RIN2: variants seen among roughly 807,000 people sequenced by gnomAD.
The protein encoded by RIN2 is Ras and Rab interactor 2.
In RIN2, 36 loss-of-function variants were observed where a neutral mutation model predicts 78.0. The ratio of observed to expected loss-of-function variants is 0.46; its 90% CI spans 0.35 to 0.61. The LOEUF (loss-of-function observed/expected upper bound fraction) is 0.61, where lower values mean the gene tolerates loss of function less well. Ranked by LOEUF, RIN2 falls within the 20% of genes least tolerant of loss-of-function variation. The pLI is 0.00. For missense variants in RIN2, 1,087 were observed against 1,159.7 expected (o/e 0.94, Z 0.91); for synonymous variants, 466 against 466.8 (o/e 1.00, Z 0.02).
chr20:19,826,557 C>T (rs2036094665), intron 2 of RIN2, among the ~76,000 whole-genome samples: 1 of 152,162 alleles, frequency 6.6e-6, no homozygotes, highest in South Asian at 2.1e-4. Context: ...AATTCACAAT[C>T]CTGTCTGATA....
intron 4 of RIN2, among the ~76,000 whole-genome samples, chr20:19,950,184 G>A (rs192228086): frequency 5.9e-4 from 90 of 152,330 alleles, no homozygotes; most frequent in African/African-American, 2.0e-3. Context: ...GGAATGGGTG[G>A]AGGCTGTGAC....
At chr20:19,855,366 G>A (rs1205618487) in intron 2 of RIN2, among the ~76,000 whole-genome samples, 1 of 152,078 alleles carries the variant, frequency 6.6e-6, no homozygotes, top group African/African-American at 2.4e-5. Context: ...TCTCTGTCAG[G>A]CTTTGGTATC....
intron 2 of RIN2, among the ~76,000 whole-genome samples, chr20:19,877,688 G>A (rs761978338): frequency 6.6e-6 from 1 of 152,108 alleles, no homozygotes. Flanking sequence ...TTATACTTTT[G>A]CAAACCAGGA....
At chr20:19,971,291 C>T (rs2042099048) in intron 8 of RIN2, among the ~76,000 whole-genome samples, 2 of 151,894 alleles carry the variant, frequency 1.3e-5, no homozygotes, top group Admixed American at 6.6e-5. Context: ...CCTCTCTTGT[C>T]GTTCAATTGT....
chr20:19,870,231 T>G (rs911191148), intron 2 of RIN2, among the ~76,000 whole-genome samples: 4 of 152,238 alleles, frequency 2.6e-5, no homozygotes, highest in African/African-American at 9.6e-5. Context: ...AAACCCGAGA[T>G]GCCAATTGTT....
intron 3 of RIN2, among the ~76,000 whole-genome samples, chr20:19,913,633 CTA>C (rs1239828492): frequency 6.6e-6 from 1 of 152,172 alleles, no homozygotes; most frequent in Non-Finnish European, 1.5e-5. Context: ...CTTCCTGTTT[CTA>C]TGAGTTTGAC....
intron 6 of RIN2, among the ~76,000 whole-genome samples, chr20:19,963,416 C>G (rs1040193535): frequency 9.2e-5 from 14 of 152,048 alleles, no homozygotes; most frequent in Admixed American, 8.5e-4. Flanking sequence ...CAGTTCGAGA[C>G]CAGCCTGACA....
chr20:19,787,288 T>A (rs150029115), intron 1 of RIN2, among the ~76,000 whole-genome samples: 1 of 152,000 alleles, frequency 6.6e-6, no homozygotes, highest in Non-Finnish European at 1.5e-5. Flanking sequence ...CTGGGCATGG[T>A]GGCGTGCAGC....
intron 1 of RIN2, among the ~76,000 whole-genome samples, chr20:19,771,324 G>A (rs1322950802): frequency 1.3e-5 from 2 of 152,304 alleles, no homozygotes; most frequent in African/African-American, 2.4e-5. Context: ...ACATCACTTT[G>A]GAGATTCTAA....
chr20:19,761,361 G>A (rs997505103), intron 1 of RIN2, among the ~76,000 whole-genome samples: 2 of 152,214 alleles, frequency 1.3e-5, no homozygotes, highest in East Asian at 3.8e-4. Flanking sequence ...TCACTAATGA[G>A]TTACAGTGAT....
At chr20:19,848,534 C>CAAAAAAAAAAAAAAAAAAA (rs11352724) in intron 2 of RIN2, among the ~76,000 whole-genome samples, 4 of 52,838 alleles carry the variant, frequency 7.6e-5, no homozygotes, top group African/African-American at 2.3e-4. Context: ...GACTCCATCT[C>CAAAAAAAAAAAAAAAAAAA]AAAAAAAAAA....
intron 2 of RIN2, among the ~76,000 whole-genome samples, chr20:19,862,770 A>G (rs1296267770): frequency 2.0e-5 from 3 of 152,204 alleles, no homozygotes; most frequent in Non-Finnish European, 4.4e-5. Context: ...CAAAGTTAGA[A>G]CCAGGGCTGG....
At chr20:19,983,366 G>A (rs2042520154) in intron 9 of RIN2, among the ~76,000 whole-genome samples, 2 of 152,186 alleles carry the variant, frequency 1.3e-5, no homozygotes, top group African/African-American at 4.8e-5. Flanking sequence ...TGACTTCCAA[G>A]CTTCATGGCC....
intron 2 of RIN2, chr20:19,823,632 G>C (rs2035994284): frequency 6.4e-7 from 1 of 1,553,066 alleles, no homozygotes; most frequent in Admixed American, 1.7e-5. Context: ...CATCAAAAGT[G>C]ATATTCCCAC....
rs191995755 is a variant in RIN2 at position 19,902,482 on chromosome 20, A to G, written c.57+12824A>G. On this transcript the variant is annotated intron_variant, in intron 3 of 12. Transcript: ENST00000255006. ...TCCGATGGCCATCTCTGAGTTTCCT[A>G]TAGCAAAAGGTGGGGATGATTCTTC... Among the ~76,000 whole-genome samples, 329 of 152,176 alleles carry G rather than the reference A, an allele frequency of 2.2e-3. 2 individuals are homozygous for G. Among genetic ancestry groups the G allele is most frequent in the Non-Finnish European group, 3.7e-3 (251 of 68,014 alleles).
intron 1 of RIN2, among the ~76,000 whole-genome samples, chr20:19,798,412 T>C (rs1258460579): frequency 6.6e-6 from 1 of 151,860 alleles, no homozygotes; most frequent in Non-Finnish European, 1.5e-5. Flanking sequence ...GTGCGAGATT[T>C]CCAGGGGAGG....
At chr20:19,956,172 C>T (rs1180968071) in intron 4 of RIN2, among the ~76,000 whole-genome samples, 1 of 146,436 alleles carries the variant, frequency 6.8e-6, no homozygotes, top group Non-Finnish European at 1.5e-5. Flanking sequence ...GCAGGAGAAT[C>T]ACTTGAACCC....
At chr20:19,964,895 T>C in intron 6 of RIN2, 57 bp from the exon 7 acceptor site, 1 of 1,457,594 alleles carries the variant, frequency 6.9e-7, no homozygotes, top group East Asian at 2.3e-5. Flanking sequence ...TAGGGGCTCT[T>C]CCTGTCCCAG....
rs2146441755 is a variant in RIN2 at position 20,001,073 on chromosome 20, C to T, written c.*137C>T. 1 of 772,796 alleles carries T rather than the reference C, an allele frequency of 1.3e-6. No homozygotes were observed. The highest frequency in any genetic ancestry group is 2.7e-5 in the East Asian group (1 of 37,122). The allele number at this position is 772,796 out of a possible 1,614,324, so 47.9% of individuals were successfully genotyped here. A position where few individuals can be genotyped will look rare whatever the true frequency, so the allele number is the denominator to read the frequency against. On this transcript the variant is annotated 3_prime_UTR_variant, in exon 13 of 13. Coordinates refer to ENST00000255006, the MANE Select transcript of RIN2 (RefSeq NM_018993.4). The stretch of plus-strand genomic sequence containing the variant: ...TGTAGTGACTAAGCCATCCACAGGC[C>T]AACTCGGCCAAGGGCAACTTTAGCC...
Sources: gnomAD v4.1 joint callset for allele counts (sites outside exome capture counted in the v4.1 genomes callset) on GRCh38, gnomAD v4.1.1 for gene constraint, MANE v1.5 for transcripts, NCBI Gene and HGNC (gene_info 2026-07-23, HGNC 2026-07-21) for gene names.